PLCH1: variants seen among roughly 807,000 people sequenced by gnomAD.
PLCH1 encodes 1-phosphatidylinositol 4,5-bisphosphate phosphodiesterase eta-1.
Under a neutral mutation model 126.7 loss-of-function variants are expected in PLCH1, and 60 were observed. That is an observed-to-expected ratio of 0.47 (90% confidence interval 0.38 to 0.59). PLCH1 has a LOEUF of 0.59. Ranked by LOEUF, PLCH1 falls within the 20% of genes least tolerant of loss-of-function variation. PLCH1 has a pLI of 0.00. For synonymous variants in PLCH1, 719 were observed against 734.9 expected (o/e 0.98, Z 0.35); for missense variants, 1,723 against 2,040.0 (o/e 0.84, Z 2.99).
intron 21 of PLCH1, among the ~76,000 whole-genome samples, chr3:155,465,108 C>CAAA (rs150847303): frequency 3.0e-5 from 2 of 65,772 alleles, no homozygotes; most frequent in African/African-American, 9.8e-5. Flanking sequence ...GACTCTGTCT[C>CAAA]AAAAAAAAAA....
At chr3:155,666,652 G>A (rs1427756207) in intron 2 of PLCH1, among the ~76,000 whole-genome samples, 2 of 152,122 alleles carry the variant, frequency 1.3e-5, no homozygotes, top group Non-Finnish European at 2.9e-5. Context: ...ATCTATTTCT[G>A]CTTTTATGTG....
At chr3:155,612,301 C>T (rs1180186855) in intron 2 of PLCH1, among the ~76,000 whole-genome samples, 1 of 149,708 alleles carries the variant, frequency 6.7e-6, no homozygotes, top group African/African-American at 2.5e-5. Flanking sequence ...TGCATTCCAG[C>T]CTAGGCAACA....
chr3:155,594,319 C>T, intron 3 of PLCH1, 135 bp from the exon 4 acceptor site: 1 of 822,088 alleles, frequency 1.2e-6, no homozygotes. Context: ...GCTTGTAATC[C>T]TAGCAGTTTG....
chr3:155,554,431 T>C lies in PLCH1; in HGVS notation c.1070-235A>G, dbSNP rs151292928. Among the ~76,000 whole-genome samples the C allele has an allele frequency of 3.0e-3, 456 of 152,310 alleles. 3 individuals carry two copies. Among genetic ancestry groups the C allele is most frequent in the African/African-American group, 0.01 (425 of 41,572 alleles). On this transcript the variant is annotated intron_variant, in intron 8 of 22. Transcript: ENST00000460012. ...TTGGTTTTGAGTGTGGTTAAAAAGA[T>C]GTCATATTCTTAAACAGCTCAGAAT...
intron 4 of PLCH1, among the ~76,000 whole-genome samples, chr3:155,591,122 C>G (rs1283053037): frequency 6.6e-6 from 1 of 152,172 alleles, no homozygotes; most frequent in African/African-American, 2.4e-5. Context: ...TCATCTCTTT[C>G]AAGGATTATG....
At chr3:155,630,374 T>C (rs567557777) in intron 2 of PLCH1, among the ~76,000 whole-genome samples, 63 of 152,390 alleles carry the variant, frequency 4.1e-4, no homozygotes, top group African/African-American at 1.5e-3. Flanking sequence ...TTTGTGTTAC[T>C]TGTGCTAATA....
In PLCH1 at chr3:155,619,669, C is replaced by T. The variant is rs114006360; in HGVS notation, c.80-23291G>A. Among the ~76,000 whole-genome samples, 1,326 of 152,108 alleles carry T rather than the reference C, an allele frequency of 8.7e-3. 13 individuals carry two copies. The highest frequency in any genetic ancestry group is 0.031 in the African/African-American group (1,273 of 41,496). On this transcript the variant is annotated intron_variant, in intron 2 of 22. Transcript: ENST00000460012. Reference sequence around the variant, plus strand: ...TTTCCCTGAAAAACAAAGCCATACTCCCTACCCCCATCCAAAGCCTCTGTT... The same window carrying T: ...TTTCCCTGAAAAACAAAGCCATACTTCCTACCCCCATCCAAAGCCTCTGTT...
intron 7 of PLCH1, among the ~76,000 whole-genome samples, chr3:155,566,453 C>T (rs1042699055): frequency 2.7e-5 from 4 of 150,556 alleles, no homozygotes; most frequent in African/African-American, 4.9e-5. Context: ...GATGACTGAA[C>T]TCAAGCTATG....
intron 21 of PLCH1, among the ~76,000 whole-genome samples, chr3:155,467,988 C>T (rs2107979093): frequency 6.6e-6 from 1 of 152,304 alleles, no homozygotes; most frequent in Middle Eastern, 3.4e-3. Context: ...TTGTAAACTA[C>T]TCTTATCCTA....
chr3:155,572,900 A>T lies in PLCH1; in HGVS notation c.772-4576T>A, dbSNP rs367650886. ...ACCACTGCACCTGGCTGATTTTTTT[A>T]TTTTTATTTTTATTCTTATTTTTAT... On this transcript the variant is annotated intron_variant, in intron 6 of 22. Coordinates refer to ENST00000460012, the MANE Select transcript of PLCH1 (RefSeq NM_014996.4). 3.0e-3 allele frequency among the ~76,000 whole-genome samples: 456 copies of T among 151,468 alleles called. 2 individuals are homozygous for T. Among genetic ancestry groups the T allele is most frequent in the South Asian group, 0.02 (97 of 4,794 alleles).
intron 1 of PLCH1, among the ~76,000 whole-genome samples, chr3:155,708,027 C>T (rs535096903): frequency 6.6e-6 from 1 of 152,302 alleles, no homozygotes; most frequent in South Asian, 2.1e-4. Flanking sequence ...CTCCCATAAT[C>T]CTGTTTCCCA....
intron 12 of PLCH1, among the ~76,000 whole-genome samples, chr3:155,512,223 T>C (rs201135822): frequency 6.6e-6 from 1 of 152,272 alleles, no homozygotes; most frequent in East Asian, 1.9e-4. Flanking sequence ...TCTCTTTATG[T>C]AGGAAACAGA....
At chr3:155,723,412 G>GTTTTTT (rs368443260) in intron 1 of PLCH1, among the ~76,000 whole-genome samples, 16 of 151,542 alleles carry the variant, frequency 1.1e-4, no homozygotes, top group African/African-American at 3.9e-4. Context: ...GTTTTGTTTT[G>GTTTTTT]TTCTGTTTCC....
intron 12 of PLCH1, among the ~76,000 whole-genome samples, chr3:155,510,974 A>C (rs1468782220): frequency 3.2e-5 from 4 of 124,026 alleles, no homozygotes; most frequent in Admixed American, 8.0e-5. Context: ...TCCATTCTCC[A>C]CATCACTTTC....
intron 2 of PLCH1, among the ~76,000 whole-genome samples, chr3:155,605,037 T>C (rs1289077497): frequency 1.3e-5 from 2 of 152,228 alleles, no homozygotes; most frequent in African/African-American, 4.8e-5. Flanking sequence ...GCCATTCAAG[T>C]TGGCCCAGCA....
intron 21 of PLCH1, among the ~76,000 whole-genome samples, chr3:155,467,189 C>T (rs1444985703): frequency 6.6e-6 from 1 of 151,848 alleles, no homozygotes; most frequent in Non-Finnish European, 1.5e-5. Context: ...CTACCTCAAG[C>T]CACTTAATAA....
chr3:155,476,940 CA>C (rs1412202942), downstream of PLCH1, among the ~76,000 whole-genome samples: 3 of 151,968 alleles, frequency 2.0e-5, no homozygotes, highest in Admixed American at 2.0e-4. Context: ...CCAGAGTAGC[CA>C]AAGGTATCCT....
chr3:155,539,460 A>G (rs867940473), intron 10 of PLCH1, among the ~76,000 whole-genome samples: 2 of 152,172 alleles, frequency 1.3e-5, no homozygotes, highest in South Asian at 4.1e-4. Flanking sequence ...AGAGGAAGTC[A>G]AATTGTTGCT....
At chr3:155,623,290 A>G (rs1392184628) in intron 2 of PLCH1, among the ~76,000 whole-genome samples, 1 of 152,240 alleles carries the variant, frequency 6.6e-6, no homozygotes. Context: ...TGAAATGCCT[A>G]CAAGAGAAAG....
Sources: allele counts gnomAD v4.1 joint callset (sites outside exome capture counted in the v4.1 genomes callset), GRCh38; gene constraint gnomAD v4.1.1; transcripts MANE v1.5; gene names NCBI Gene and HGNC (gene_info 2026-07-23, HGNC 2026-07-21).